The following UQCRC1 variants were observed in gnomAD, a reference collection of about 807,000 sequenced individuals.
UQCRC1 encodes cytochrome b-c1 complex subunit 1, mitochondrial.
In UQCRC1, 34 loss-of-function variants were observed where a neutral mutation model predicts 58.0. The observed-to-expected ratio is 0.59, with a 90% CI of 0.45 to 0.78. UQCRC1 has a LOEUF of 0.78. Among genes scored for constraint, UQCRC1 ranks in the 30% least tolerant of loss-of-function variants. UQCRC1 has a pLI of 0.00. For missense variants in UQCRC1, 610 were observed against 646.0 expected, an observed-to-expected ratio of 0.94 and a Z score of 0.60; for synonymous variants, 276 against 248.8, an observed-to-expected ratio of 1.11 and a Z score of -1.03.
Position 48,599,655 on chromosome 3 carries a change from C to T in UQCRC1, c.1358G>A (p.Cys453Tyr). 1 of 1,613,916 alleles carries T rather than the reference C, an allele frequency of 6.2e-7. No individual in the cohort carries two copies. Among genetic ancestry groups the T allele is most frequent in the Non-Finnish European group, 8.5e-7 (1 of 1,179,972 alleles). The change falls in exon 12 of 13, where the codon TGC (cysteine) becomes TAC (tyrosine). Residue 453 changes from cysteine to tyrosine, a missense_variant. By Grantham distance (194) the Cys-to-Tyr change is radical. Transcript: ENST00000203407. ...CTTACCATATCCAGCCACTGCTGGG[C>T]ACTGGTCATAGATGTACTTGGAGCA... ...EICSKYIYDQ[C>Y]PAVAGYGPIE...
chr3:48,600,827 G>A lies in UQCRC1; in HGVS notation c.980C>T (p.Pro327Leu). The change falls in exon 9 of 13, where the codon CCA becomes CTA. Residue 327 changes from proline to leucine, a missense_variant. Transcript: ENST00000203407. ...TYGGGVHLSS[P>L]LASGAVANKL... ...GTTGGCCACAGCACCTGAAGCCAGTGGGCTGGACAGGTGCTGCCAGGGGGA... is the reference window on the plus strand; with the variant it reads ...GTTGGCCACAGCACCTGAAGCCAGTAGGCTGGACAGGTGCTGCCAGGGGGA... 1.2e-6 allele frequency: 2 copies of A among 1,613,962 alleles called. No individual in the cohort carries two copies. Among genetic ancestry groups the A allele is most frequent in the South Asian group, 1.1e-5 (1 of 91,088 alleles).
intron 1 of UQCRC1, 98 bp from the exon 2 acceptor site, chr3:48,609,400 G>A: frequency 3.9e-6 from 6 of 1,521,534 alleles, no homozygotes; most frequent in East Asian, 2.4e-5. Context: ...CCCTAGGCAA[G>A]CGGCGAGATA....
intron 12 of UQCRC1, 178 bp downstream of exon 12, chr3:48,599,457 G>T: frequency 2.7e-6 from 2 of 738,296 alleles, no homozygotes; most frequent in Non-Finnish European, 4.4e-6. Flanking sequence ...TCAAGGAACT[G>T]CTGGGACAGG....
intron 6 of UQCRC1, 62 bp from the exon 7 acceptor site, chr3:48,601,529 TCA>T: frequency 6.6e-7 from 1 of 1,511,102 alleles, no homozygotes. Flanking sequence ...GTGGGGCGAT[TCA>T]CAGACAGGCA....
rs758520645 is a variant in UQCRC1, at chr3:48,599,235, G to C, written c.1379-43C>G. Reference sequence around the variant, plus strand: ...AGCGTCAGGGTGGGGTACCTGGCCTGCACAGGGACACCTGGCCCTGTGCCG... The same window carrying C: ...AGCGTCAGGGTGGGGTACCTGGCCTCCACAGGGACACCTGGCCCTGTGCCG... On this transcript the variant is annotated intron_variant, in intron 12 of 12. Coordinates refer to ENST00000203407, the MANE Select transcript of UQCRC1 (RefSeq NM_003365.3). The C allele has an allele frequency of 1.9e-6, 3 of 1,555,854 alleles. No individual in the cohort carries two copies. In the South Asian group the frequency reaches 3.6e-5, roughly 19 times the overall value.
At chr3:48,603,352 C>A (rs1031686208) in intron 6 of UQCRC1, among the ~76,000 whole-genome samples, 3 of 152,206 alleles carry the variant, frequency 2.0e-5, no homozygotes, top group African/African-American at 7.2e-5. Context: ...ACCAGAGGGA[C>A]AGCATCCTGT....
rs756069733 is a variant in UQCRC1 at position 48,601,074 on chromosome 3, A to G, written c.867T>C (p.Ile289=). 1.2e-6 allele frequency: 2 copies of G among 1,608,912 alleles called. No homozygotes were observed. The highest frequency in any genetic ancestry group is 8.5e-7 in the Non-Finnish European group (1 of 1,175,746). ...TGGCCCAGCCAGGACCCTCTACTGC[A>G]ATGGCCACGTGGGCAAAAGGTAGAG... The part of the protein sequence containing the change: ...DDALPFAHVA[I]AVEGPGWASP... The change falls in exon 8 of 13, where the codon ATT becomes ATC. Residue 289 remains isoleucine, a synonymous_variant. Transcript: ENST00000203407.
Position 48,600,724 on chromosome 3 carries a change from G to A in UQCRC1, c.1083C>T (p.Asp361=). The stretch of plus-strand genomic sequence containing the variant: ...ACATCATGTCATCGATTTTCATTCG[G>A]TCACAGACAAAGTGTGCACCCAGCA... ...TGLLGAHFVC[D]RMKIDDMMFV... Residue 361 remains aspartate (D), a synonymous_variant, in exon 9 of 13, where the codon GAC becomes GAT. Transcript: ENST00000203407. The A allele has an allele frequency of 6.2e-7, 1 of 1,614,152 alleles. No individual in the cohort carries two copies. The highest frequency in any genetic ancestry group is 8.5e-7 in the Non-Finnish European group (1 of 1,180,036).
Position 48,599,123 on chromosome 3 carries a change from C to A in UQCRC1, c.*5G>T. ...CCTGCCCTCTTGCTTACATAGGCTT[C>A]CCGCCTAGAAGCGCAGCCAGAACAT... is the stretch of plus-strand genomic sequence containing the variant. On this transcript the variant is annotated 3_prime_UTR_variant, in exon 13 of 13. Transcript: ENST00000203407. The A allele has an allele frequency of 6.2e-7, 1 of 1,611,814 alleles. No individual in the cohort carries two copies. The highest frequency in any genetic ancestry group is 8.5e-7 in the Non-Finnish European group (1 of 1,178,790).
At chr3:48,605,641 T>C in intron 3 of UQCRC1, 129 bp downstream of exon 3, 1 of 937,122 alleles carries the variant, frequency 1.1e-6, no homozygotes, top group Non-Finnish European at 1.6e-6. Flanking sequence ...GTGGCTCCTT[T>C]TAGGAAAGCC....
intron 2 of UQCRC1, among the ~76,000 whole-genome samples, chr3:48,608,346 A>G (rs1020346204): frequency 6.6e-6 from 1 of 152,242 alleles, no homozygotes; most frequent in African/African-American, 2.4e-5. Flanking sequence ...GAGGCATTTT[A>G]CAATCTATAG....
chr3:48,603,691 G>T (rs374455325), intron 5 of UQCRC1, 48 bp from the exon 6 acceptor site: 1 of 1,562,980 alleles, frequency 6.4e-7, no homozygotes, highest in Non-Finnish European at 8.8e-7. Context: ...ACACTGGAGT[G>T]AGTTGGGGTA....
At chr3:48,609,045 C>G in intron 2 of UQCRC1, 117 bp downstream of exon 2, 2 of 1,428,600 alleles carry the variant, frequency 1.4e-6, no homozygotes, top group Non-Finnish European at 1.9e-6. Context: ...GTGAGTGGTC[C>G]TGGGTCCGAA....
chr3:48,604,491 C>A (rs1270127182), intron 4 of UQCRC1, 60 bp from the exon 5 acceptor site: 3 of 1,596,808 alleles, frequency 1.9e-6, no homozygotes, highest in African/African-American at 1.3e-5. Flanking sequence ...AACGACAGCA[C>A]AAAATCCCCA....
intron 2 of UQCRC1, among the ~76,000 whole-genome samples, chr3:48,608,021 T>C (rs1221890512): frequency 6.6e-6 from 1 of 152,072 alleles, no homozygotes; most frequent in Admixed American, 6.6e-5. Flanking sequence ...GGGGCTTCAC[T>C]ATGTTTGCCA....
chr3:48,606,056 C>G (rs575318369), intron 2 of UQCRC1, among the ~76,000 whole-genome samples, 200 bp from the exon 3 acceptor site: 2 of 152,298 alleles, frequency 1.3e-5, no homozygotes, highest in South Asian at 4.1e-4. Context: ...ACTCGTCACA[C>G]CACATCATTG....
chr3:48,606,138 T>A (rs2046409361), intron 2 of UQCRC1, among the ~76,000 whole-genome samples: 1 of 152,240 alleles, frequency 6.6e-6, no homozygotes, highest in Admixed American at 6.5e-5. Flanking sequence ...CTCACCAGCA[T>A]ACAAATCCTT....
rs1191948267 is a variant in UQCRC1 at position 48,603,628 on chromosome 3, T to G, written c.642A>C (p.Ala214=). ...PSENVRKLSR[A]DLTEYLSTHY... ...GTGTGCTGAGGTACTCGGTCAAGTC[T>G]GCACGAGACAGCTTCCTACAAGACA... Residue 214 remains alanine (A), a synonymous_variant, in exon 6 of 13, where the codon GCA becomes GCC. Coordinates refer to ENST00000203407, the MANE Select transcript of UQCRC1 (RefSeq NM_003365.3). 1 of 1,613,960 alleles carries G rather than the reference T, an allele frequency of 6.2e-7. No homozygotes were observed. Among genetic ancestry groups the G allele is most frequent in the Non-Finnish European group, 8.5e-7 (1 of 1,179,944 alleles).
Position 48,599,675 on chromosome 3 carries a change from G to T in UQCRC1, c.1338C>A (p.Ser446=). The change falls in exon 12 of 13, where the codon TCC becomes TCA. Residue 446 remains serine, a synonymous_variant. Coordinates refer to ENST00000203407, the MANE Select transcript of UQCRC1 (RefSeq NM_003365.3). The part of the protein sequence containing the change: ...VDASVVREIC[S]KYIYDQCPAV... ...CTGGGCACTGGTCATAGATGTACTT[G>T]GAGCAGATCTCACGTACCACACTGG... 1 of 1,613,918 alleles carries T rather than the reference G, an allele frequency of 6.2e-7. No individual in the cohort carries two copies. Among genetic ancestry groups the T allele is most frequent in the Non-Finnish European group, 8.5e-7 (1 of 1,179,982 alleles).
Sources: gnomAD v4.1 joint callset for allele counts (sites outside exome capture counted in the v4.1 genomes callset) on GRCh38, gnomAD v4.1.1 for gene constraint, MANE v1.5 for transcripts, NCBI Gene and HGNC (gene_info 2026-07-23, HGNC 2026-07-21) for gene names.